Variants in WDR18 observed in about 807,000 individuals in gnomAD.
WDR18 encodes the protein WD repeat domain 18.
WDR18 carries 33 observed loss-of-function variants against 49.6 expected under a neutral mutation model. The ratio of observed to expected loss-of-function variants is 0.67; its 90% CI spans 0.50 to 0.89. WDR18 has a LOEUF of 0.89. Ranked by LOEUF, WDR18 falls within the 40% of genes least tolerant of loss-of-function variation. The probability of loss-of-function intolerance (pLI) is 0.00; values close to 1 mark genes in which losing one functional copy is unlikely to be tolerated. For missense variants in WDR18, 653 were observed against 593.6 expected (o/e 1.10, Z -1.04); for synonymous variants, 315 against 263.6 (o/e 1.19, Z -1.89).
rs2038544923 is a variant in WDR18, at chr19:991,333, C to T, written c.913C>T (p.Arg305Trp). ...GGACGTGCAGAGCAAGCAGTGCATC[C>T]GGACGGTGGCCCTCAAAGGTGGGCG... The part of the protein sequence containing the change: ...LWDVQSKQCI[R>W]TVALKGPVTN... The change falls in exon 7 of 10, where the codon CGG becomes TGG. Residue 305 changes from arginine to tryptophan, a missense_variant. Coordinates refer to ENST00000585809, the MANE Select transcript of WDR18 (RefSeq NM_024100.4). The T allele has an allele frequency of 3.2e-6, 5 of 1,554,636 alleles. No individual in the cohort carries two copies. Among genetic ancestry groups the T allele is most frequent in the Non-Finnish European group, 3.5e-6 (4 of 1,149,614 alleles).
rs55712007 is a variant in WDR18, at chr19:984,386, G to A, written c.33G>A (p.Thr11=). The A allele has an allele frequency of 3.8e-6, 6 of 1,599,858 alleles. No homozygotes were observed. Among genetic ancestry groups the A allele is most frequent in the Non-Finnish European group, 5.1e-6 (6 of 1,175,086 alleles). MAAPMEVAVC[T]DSAAPMWSCI... is the part of the protein sequence containing the mutation. ...CGCCCATGGAGGTGGCCGTGTGTAC[G>A]GACTCGGCGGCCCCGATGTGGAGCT... Residue 11 remains threonine (T), a synonymous_variant, in exon 1 of 10, where the codon ACG becomes ACA. Transcript: ENST00000585809.
chr19:988,732 CCCCTTGGCA>C (rs1455851693), intron 2 of WDR18, among the ~76,000 whole-genome samples: 2 of 152,136 alleles, frequency 1.3e-5, no homozygotes, highest in African/African-American at 4.8e-5. Context: ...GTGGCCGGCA[CCCCTTGGCA>C]CCCTTGGCTT....
intron 4 of WDR18, chr19:990,583 TG>T: frequency 1.2e-6 from 1 of 852,932 alleles, no homozygotes; most frequent in Non-Finnish European, 1.7e-6. Flanking sequence ...TGGCCAAGCC[TG>T]GGGAATCGGA....
chr19:991,162 G>A lies in WDR18; in HGVS notation c.806+17G>A. 2 of 1,557,620 alleles carry A rather than the reference G, an allele frequency of 1.3e-6. No homozygotes were observed. Among genetic ancestry groups the A allele is most frequent in the Non-Finnish European group, 1.7e-6 (2 of 1,150,842 alleles). On this transcript the variant is annotated intron_variant, in intron 6 of 9. Coordinates refer to ENST00000585809, the MANE Select transcript of WDR18 (RefSeq NM_024100.4). ...AGGGCACAGGTGGGGACGTGGGAAC[G>A]GGGCGGGGGCTCCCAGGCACGTCCT...
At chr19:986,063 G>C in intron 2 of WDR18, 88 bp downstream of exon 2, 1 of 1,316,254 alleles carries the variant, frequency 7.6e-7, no homozygotes, top group Non-Finnish European at 1.1e-6. Flanking sequence ...CAACCATGCG[G>C]CCTGGGGCCC....
At chr19:987,365 A>G (rs4806888) in intron 2 of WDR18, among the ~76,000 whole-genome samples, 92,820 of 151,962 alleles carry the variant, frequency 0.61, 29,186 homozygotes, top group Non-Finnish European at 0.7. Flanking sequence ...GGGTCGGGAC[A>G]GGCAGCACAG....
intron 8 of WDR18, among the ~76,000 whole-genome samples, chr19:992,498 CAGCCGTGAGGGCAGGG>C (rs1383460104): frequency 1.3e-5 from 2 of 152,234 alleles, no homozygotes; most frequent in Admixed American, 1.3e-4. Flanking sequence ...GGTGCAGGAG[CAGCCGTGAGGGCAGGG>C]AGCGGGTGGG....
At chr19:985,492 A>G (rs2038465280) in intron 1 of WDR18, among the ~76,000 whole-genome samples, 1 of 152,212 alleles carries the variant, frequency 6.6e-6, no homozygotes, top group Admixed American at 6.5e-5. Context: ...TTTAGAGAGG[A>G]GGAAGCTGAG....
At chr19:984,620 G>A (rs2038455650) in intron 1 of WDR18, 57 bp downstream of exon 1, 20 of 1,370,984 alleles carry the variant, frequency 1.5e-5, no homozygotes, top group Non-Finnish European at 1.9e-5. Flanking sequence ...TGAAGTCGGG[G>A]GATGGGTTGG....
Position 991,163 on chromosome 19 carries a change from G to A in WDR18, c.806+18G>A. 1 of 1,558,388 alleles carries A rather than the reference G, an allele frequency of 6.4e-7. No individual in the cohort carries two copies. The highest frequency in any genetic ancestry group is 1.4e-5 in the African/African-American group (1 of 72,062). On this transcript the variant is annotated intron_variant, in intron 6 of 9. Transcript: ENST00000585809. Reference sequence around the variant, plus strand: ...GGGCACAGGTGGGGACGTGGGAACGGGGCGGGGGCTCCCAGGCACGTCCTG... The same window carrying A: ...GGGCACAGGTGGGGACGTGGGAACGAGGCGGGGGCTCCCAGGCACGTCCTG...
intron 2 of WDR18, among the ~76,000 whole-genome samples, chr19:988,338 C>T (rs2038498324): frequency 6.6e-6 from 1 of 152,142 alleles, no homozygotes; most frequent in South Asian, 2.1e-4. Context: ...GCTGGTCCGC[C>T]CCTCCCACGC....
chr19:984,639 G>T, intron 1 of WDR18, 76 bp downstream of exon 1: 2 of 1,318,704 alleles, frequency 1.5e-6, no homozygotes, highest in South Asian at 3.3e-5. Context: ...GGTGGGGGCC[G>T]CGTGCACCCT....
At chr19:993,671 G>A (rs1330375732) in intron 8 of WDR18, among the ~76,000 whole-genome samples, 1 of 152,204 alleles carries the variant, frequency 6.6e-6, no homozygotes, top group Non-Finnish European at 1.5e-5. Context: ...TGAGGCCCTC[G>A]CCAGGCCCTG....
chr19:991,128 G>A lies in WDR18; in HGVS notation c.789G>A (p.Lys263=), dbSNP rs372763762. The A allele has an allele frequency of 6.3e-7, 1 of 1,578,694 alleles. No individual in the cohort carries two copies. The highest frequency in any genetic ancestry group is 1.3e-5 in the African/African-American group (1 of 74,150). The change falls in exon 6 of 10, where the codon AAG becomes AAA. Residue 263 remains lysine, a synonymous_variant. Coordinates refer to ENST00000585809, the MANE Select transcript of WDR18 (RefSeq NM_024100.4). ...RSFHPEQDAG[K]VFKGHRNQVT... ...TCCACCCAGAGCAGGACGCCGGGAA[G>A]GTCTTCAAAGGGCACAGGTGGGGAC...
In WDR18 at chr19:991,971, C is replaced by T. The variant is rs1384076897; in HGVS notation, c.948C>T (p.Ala316=). The T allele has an allele frequency of 7.5e-6, 12 of 1,591,848 alleles. No homozygotes were observed. The highest frequency in any genetic ancestry group is 1.7e-5 in the Admixed American group (1 of 59,040). ...GCCCCCCAGGCCCAGTCACCAATGC[C>T]GCCATCCTGCTGGCGCCCGTCAGCA... ...TVALKGPVTN[A]AILLAPVSML... The change falls in exon 8 of 10, where the codon GCC becomes GCT. Residue 316 remains alanine (A), a synonymous_variant. Transcript: ENST00000585809.
chr19:993,300 C>T (rs1322270547), intron 8 of WDR18, among the ~76,000 whole-genome samples: 1 of 152,254 alleles, frequency 6.6e-6, no homozygotes, highest in African/African-American at 2.4e-5. Context: ...TCCCACGATT[C>T]CTGCCCAGCC....
In WDR18 at chr19:991,950, C is replaced by A; in HGVS notation, c.932-5C>A. 6.3e-7 allele frequency: 1 copy of A among 1,580,048 alleles called. No homozygotes were observed. Among genetic ancestry groups the A allele is most frequent in the Non-Finnish European group, 8.5e-7 (1 of 1,170,028 alleles). ...GGGGCGGGGCCTGACCTCCGCGCCC[C>A]CCAGGCCCAGTCACCAATGCCGCCA... On this transcript the variant is annotated splice_region_variant and splice_polypyrimidine_tract_variant and intron_variant, in intron 7 of 9. Transcript: ENST00000585809.
intron 4 of WDR18, 66 bp from the exon 5 acceptor site, chr19:990,786 C>T: frequency 1.3e-6 from 2 of 1,528,600 alleles, no homozygotes. Flanking sequence ...CCTGGTGCCC[C>T]TGTTCCCATG....
intron 8 of WDR18, among the ~76,000 whole-genome samples, chr19:992,960 G>A (rs1350684293): frequency 6.6e-6 from 1 of 152,238 alleles, no homozygotes; most frequent in East Asian, 1.9e-4. Flanking sequence ...CAGCCTGATG[G>A]CCTGACAGGC....
Sources: allele counts gnomAD v4.1 joint callset (sites outside exome capture counted in the v4.1 genomes callset), GRCh38; gene constraint gnomAD v4.1.1; transcripts MANE v1.5; gene names NCBI Gene and HGNC (gene_info 2026-07-23, HGNC 2026-07-21).